SESTD1: variants seen among roughly 807,000 people sequenced by gnomAD.
The protein encoded by SESTD1 is SEC14 and spectrin domain containing 1.
Under a neutral mutation model 101.7 loss-of-function variants are expected in SESTD1, and 43 were observed. That is an observed-to-expected ratio of 0.42 (90% CI 0.33 to 0.55). The LOEUF is 0.55. Among genes scored for constraint, SESTD1 ranks in the 20% least tolerant of loss-of-function variants. The pLI is 0.07. For synonymous variants in SESTD1, 283 were observed against 286.8 expected (o/e 0.99, Z 0.13); for missense variants, 647 against 815.1 (o/e 0.79, Z 2.51).
At position 179,216,852 on chromosome 2, in the gene SESTD1, T is replaced by G. The variant is rs2046728402; in HGVS notation, c.-25-24986A>C. ...CACACATCTACAACCATCTGATCTT[T>G]GACAAACCTGACAAAAACAAGAAAT... On this transcript the variant is annotated intron_variant, in intron 1 of 17. Coordinates refer to ENST00000428443, the MANE Select transcript of SESTD1 (RefSeq NM_178123.5). Among the ~76,000 whole-genome samples, 2 of 136,506 alleles carry G rather than the reference T, an allele frequency of 1.5e-5. 1 individual carries two copies. Among genetic ancestry groups the G allele is most frequent in the Non-Finnish European group, 3.2e-5 (2 of 63,120 alleles). 89.6% of individuals were successfully genotyped at this position (136,506 alleles called of 152,430 possible).
At chr2:179,139,076 C>T (rs958000034) in intron 9 of SESTD1, among the ~76,000 whole-genome samples, 5 of 152,038 alleles carry the variant, frequency 3.3e-5, no homozygotes, top group East Asian at 1.9e-4. Flanking sequence ...CACAGCTTAC[C>T]ATGACATGCA....
In SESTD1 at chr2:179,116,700, C is replaced by G; in HGVS notation, c.1615G>C (p.Glu539Gln). The G allele has an allele frequency of 6.2e-7, 1 of 1,614,094 alleles. No homozygotes were observed. The highest frequency in any genetic ancestry group is 8.5e-7 in the Non-Finnish European group (1 of 1,180,000). ...DDAQETKVLL[E>Q]KHRKFVDVAQ... ...ACATCAACAAATTTTCTATGCTTTT[C>G]CAGCAAAACTTTCGTTTCTTGAGCA... The change falls in exon 15 of 18, where the codon GAA (glutamate) becomes CAA (glutamine). Residue 539 changes from glutamate to glutamine, a missense_variant. Physicochemically the swap from Glu to Gln is conservative, Grantham distance 29. Transcript: ENST00000428443.
In SESTD1 at chr2:179,109,682, CTTCTT is replaced by C. The variant is rs2044464307; in HGVS notation, c.*212_*216del. 1.8e-6 allele frequency: 1 copy of C among 548,262 alleles called. No homozygotes were observed. Among genetic ancestry groups the C allele is most frequent in the Non-Finnish European group, 3.1e-6 (1 of 323,060 alleles). The allele number at this position is 548,262 out of a possible 1,614,324, so 34.0% of individuals were successfully genotyped here. On this transcript the variant is annotated 3_prime_UTR_variant, in exon 18 of 18. Coordinates refer to ENST00000428443, the MANE Select transcript of SESTD1 (RefSeq NM_178123.5). Reference sequence around the variant, plus strand: ...GTTTTCAGTGCAATGTTTATAGTTCCTTCTTTTAAGATACTTGGAATCTACAGCCT... The same window carrying C: ...GTTTTCAGTGCAATGTTTATAGTTCCTTAAGATACTTGGAATCTACAGCCT...
At chr2:179,235,513 C>T (rs1056201091) in intron 1 of SESTD1, among the ~76,000 whole-genome samples, 1 of 152,166 alleles carries the variant, frequency 6.6e-6, no homozygotes, top group African/African-American at 2.4e-5. Context: ...TATGTCCAAA[C>T]CCACATACGT....
intron 1 of SESTD1, among the ~76,000 whole-genome samples, chr2:179,196,567 C>A (rs2105502486): frequency 6.6e-6 from 1 of 152,344 alleles, no homozygotes; most frequent in Middle Eastern, 3.4e-3. Context: ...TGTCTGACAG[C>A]TTTGAAGACA....
At chr2:179,173,226 C>G (rs746151154) in intron 4 of SESTD1, among the ~76,000 whole-genome samples, 6 of 152,180 alleles carry the variant, frequency 3.9e-5, no homozygotes, top group Non-Finnish European at 7.4e-5. Context: ...AATATTCCCT[C>G]TTCAGAGAGG....
rs375631089 is a variant in SESTD1, at chr2:179,124,489, C to A, written c.1042G>T (p.Asp348Tyr). The change falls in exon 11 of 18, where the codon GAT becomes TAT. Residue 348 changes from aspartate (D) to tyrosine (Y), a missense_variant. This residue lies in a region of SESTD1 where 476 missense variants were observed against 562.6 expected (regional missense o/e 0.85). Coordinates refer to ENST00000428443, the MANE Select transcript of SESTD1 (RefSeq NM_178123.5). Reference protein sequence around the residue: ...AALLNAGDEEDLVELKSLQQQ... With the variant: ...AALLNAGDEEYLVELKSLQQQ... ...TGCAGTGACTTTAGTTCCACAAGAT[C>A]TTCCTCATCGCCAGCATTCAAGAGT... The A allele has an allele frequency of 1.2e-6, 2 of 1,613,950 alleles. No individual in the cohort carries two copies. The highest frequency in any genetic ancestry group is 2.7e-5 in the African/African-American group (2 of 74,916).
At chr2:179,154,526 CAA>C (rs982188053) in intron 5 of SESTD1, among the ~76,000 whole-genome samples, 20 of 151,934 alleles carry the variant, frequency 1.3e-4, no homozygotes, top group African/African-American at 4.8e-4. Flanking sequence ...GCTAACGTCA[CAA>C]AAAAGACAAC....
intron 3 of SESTD1, 39 bp from the exon 4 acceptor site, chr2:179,176,577 C>T (rs775249084): frequency 6.5e-7 from 1 of 1,541,196 alleles, no homozygotes; most frequent in South Asian, 1.1e-5. Flanking sequence ...AAAACAAGCT[C>T]CAGATTTCGT....
At position 179,109,668 on chromosome 2, in the gene SESTD1, A is replaced by C; in HGVS notation, c.*231T>G. On this transcript the variant is annotated 3_prime_UTR_variant, in exon 18 of 18. Coordinates refer to ENST00000428443, the MANE Select transcript of SESTD1 (RefSeq NM_178123.5). The stretch of plus-strand genomic sequence containing the variant: ...AAGCTTTAAAGCAAGTTTTCAGTGC[A>C]ATGTTTATAGTTCCTTCTTTTAAGA... 1 of 504,416 alleles carries C rather than the reference A, an allele frequency of 2.0e-6. No homozygotes were observed. The highest frequency in any genetic ancestry group is 3.4e-6 in the Non-Finnish European group (1 of 292,940). 31.2% of individuals were successfully genotyped at this position (504,416 alleles called of 1,614,324 possible). A position where few individuals can be genotyped will look rare whatever the true frequency, so the allele number is the denominator to read the frequency against.
chr2:179,257,927 A>T (rs1486138499), intron 1 of SESTD1, among the ~76,000 whole-genome samples: 1 of 152,204 alleles, frequency 6.6e-6, no homozygotes, highest in Non-Finnish European at 1.5e-5. Flanking sequence ...CATAACCACC[A>T]GTCTTCAAAG....
At chr2:179,180,014 T>C (rs2046079310) in intron 3 of SESTD1, among the ~76,000 whole-genome samples, 1 of 151,248 alleles carries the variant, frequency 6.6e-6, no homozygotes, top group African/African-American at 2.5e-5. Context: ...TCTTCTTATT[T>C]TGTAAAGTAT....
chr2:179,200,613 C>T (rs903473555), intron 1 of SESTD1, among the ~76,000 whole-genome samples: 16 of 151,808 alleles, frequency 1.1e-4, no homozygotes, highest in African/African-American at 3.4e-4. Flanking sequence ...TCAGAAATAA[C>T]GCTGGATATC....
At chr2:179,182,819 T>C (rs1161676458) in intron 3 of SESTD1, among the ~76,000 whole-genome samples, 1 of 152,150 alleles carries the variant, frequency 6.6e-6, no homozygotes, top group Non-Finnish European at 1.5e-5. Flanking sequence ...TTACATGATA[T>C]AGATGCTTAG....
chr2:179,143,580 T>C lies in SESTD1; in HGVS notation c.849+12A>G. On this transcript the variant is annotated intron_variant, in intron 9 of 17. Transcript: ENST00000428443. ...TTAAAAAGAGTTAAATATATTCAAA[T>C]CAGACACCTACCTGCATTACCTTCT... 6.2e-7 allele frequency: 1 copy of C among 1,612,000 alleles called. No homozygotes were observed. The highest frequency in any genetic ancestry group is 8.5e-7 in the Non-Finnish European group (1 of 1,178,246).
At chr2:179,131,050 T>C (rs1270171555) in intron 10 of SESTD1, among the ~76,000 whole-genome samples, 1 of 152,104 alleles carries the variant, frequency 6.6e-6, no homozygotes, top group African/African-American at 2.4e-5. Flanking sequence ...CAAGTACTAA[T>C]TAGAAAAATT....
intron 1 of SESTD1, among the ~76,000 whole-genome samples, chr2:179,218,945 C>T (rs2046764962): frequency 2.0e-5 from 3 of 152,148 alleles, no homozygotes; most frequent in Admixed American, 2.0e-4. Flanking sequence ...ATAAAATGAA[C>T]AAATGGTAAA....
rs1317665430 is a variant in SESTD1, at chr2:179,264,672, C to G, written c.-199G>C. ...CGACGGCTGCGGCTCCAGTCACTCG[C>G]GGCAAATCGCGTCCCGGCCCCTCCG... is the stretch of plus-strand genomic sequence containing the variant. On this transcript the variant is annotated 5_prime_UTR_variant, in exon 1 of 18. Transcript: ENST00000428443. 1 of 151,290 alleles carries G rather than the reference C, an allele frequency of 6.6e-6. No homozygotes were observed. Among genetic ancestry groups the G allele is most frequent in the Non-Finnish European group, 1.5e-5 (1 of 67,726 alleles). The allele number at this position is 151,290 out of a possible 1,614,324, so 9.4% of individuals were successfully genotyped here.
At chr2:179,202,760 A>G (rs1574033337) in intron 1 of SESTD1, among the ~76,000 whole-genome samples, 1 of 135,054 alleles carries the variant, frequency 7.4e-6, no homozygotes, top group East Asian at 2.0e-4. Flanking sequence ...TCTCTCCCCA[A>G]AGATGCCTGC....
Sources: gnomAD v4.1 joint callset for allele counts (sites outside exome capture counted in the v4.1 genomes callset) on GRCh38, gnomAD v4.1.1 for gene constraint, gnomAD v4.1.1 regional missense constraint, MANE v1.5 for transcripts, NCBI Gene and HGNC (gene_info 2026-07-23, HGNC 2026-07-21) for gene names.